Variants in PIGK observed in about 807,000 individuals in gnomAD.
The protein encoded by PIGK is GPI-anchor transamidase.
Under a neutral mutation model 50.6 loss-of-function variants are expected in PIGK, and 42 were observed. The observed-to-expected ratio is 0.83, with a 90% CI of 0.65 to 1.07. The LOEUF (loss-of-function observed/expected upper bound fraction) is 1.07, where lower values mean the gene tolerates loss of function less well. PIGK is among the 50% of genes least tolerant of loss of function. The pLI, the probability that PIGK is intolerant of heterozygous loss-of-function variation, is 0.00. For synonymous variants in PIGK, 151 were observed against 156.0 expected, an observed-to-expected ratio of 0.97 and a Z score of 0.24; for missense variants, 448 against 488.7, an observed-to-expected ratio of 0.92 and a Z score of 0.78.
At chr1:77,111,407 C>G (rs1357776890) in intron 10 of PIGK, among the ~76,000 whole-genome samples, 2 of 152,086 alleles carry the variant, frequency 1.3e-5, no homozygotes, top group Non-Finnish European at 2.9e-5. Context: ...CACATATACA[C>G]CATGGAATAC....
chr1:77,210,897 G>A (rs1026165784), intron 1 of PIGK, among the ~76,000 whole-genome samples: 2 of 151,892 alleles, frequency 1.3e-5, no homozygotes, highest in Admixed American at 1.3e-4. Flanking sequence ...ATATTATTTA[G>A]CATTACTCAA....
At position 77,215,121 on chromosome 1, in the gene PIGK, T is replaced by C. The variant is rs114104829; in HGVS notation, c.93+4189A>G. 4.0e-3 allele frequency among the ~76,000 whole-genome samples: 607 copies of C among 152,238 alleles called. 3 individuals are homozygous for C. Among genetic ancestry groups the C allele is most frequent in the African/African-American group, 0.014 (584 of 41,576 alleles). The stretch of plus-strand genomic sequence containing the variant: ...GCAATCTCTATCAAAATACCAATGA[T>C]ATTCTTCACAGAAATAGAAAAGCAA... On this transcript the variant is annotated intron_variant, in intron 1 of 10. Transcript: ENST00000370812.
chr1:77,144,155 C>T (rs1390854604), intron 9 of PIGK, among the ~76,000 whole-genome samples: 1 of 151,764 alleles, frequency 6.6e-6, no homozygotes, highest in South Asian at 2.1e-4. Flanking sequence ...TTGTAATATC[C>T]CCTATAATGT....
rs1053934998 is a variant in PIGK at position 77,210,433 on chromosome 1, T to C, written c.147+3A>G. ...GCAAGGTATACTTTTACAGTATACT[T>C]ACCAGAACAGCCCAGTTGTTTGTAT... is the stretch of plus-strand genomic sequence containing the variant. On this transcript the variant is annotated splice_donor_region_variant and intron_variant, in intron 2 of 10. Coordinates refer to ENST00000370812, the MANE Select transcript of PIGK (RefSeq NM_005482.3). 6.3e-7 allele frequency: 1 copy of C among 1,581,766 alleles called. No individual in the cohort carries two copies. The highest frequency in any genetic ancestry group is 1.3e-5 in the African/African-American group (1 of 74,130).
At chr1:77,114,636 T>C (rs1298555945) in intron 10 of PIGK, among the ~76,000 whole-genome samples, 2 of 152,114 alleles carry the variant, frequency 1.3e-5, no homozygotes, top group African/African-American at 4.8e-5. Flanking sequence ...AAAATGTTGA[T>C]TGTCATTCTC....
chr1:77,184,187 C>T (rs1655687003), intron 3 of PIGK, among the ~76,000 whole-genome samples: 1 of 150,334 alleles, frequency 6.7e-6, no homozygotes, highest in Admixed American at 6.6e-5. Context: ...GTGTAGAGCT[C>T]TGGCACTGGC....
At chr1:77,125,797 C>G (rs1002115916) in intron 9 of PIGK, among the ~76,000 whole-genome samples, 1 of 152,052 alleles carries the variant, frequency 6.6e-6, no homozygotes, top group Non-Finnish European at 1.5e-5. Context: ...ACTTTAAATA[C>G]CATATCTGTT....
chr1:77,219,197 G>C, intron 1 of PIGK, 113 bp downstream of exon 1: 2 of 797,432 alleles, frequency 2.5e-6, no homozygotes, highest in Non-Finnish European at 4.2e-6. Context: ...AACCCAGCCT[G>C]GGTCAGGGGC....
intron 9 of PIGK, among the ~76,000 whole-genome samples, chr1:77,146,027 C>G (rs1654759312): frequency 6.6e-6 from 1 of 151,868 alleles, no homozygotes; most frequent in African/African-American, 2.4e-5. Context: ...AATTTAATAC[C>G]ATGATAAACC....
chr1:77,112,604 T>C (rs1188749884), intron 10 of PIGK, among the ~76,000 whole-genome samples: 1 of 152,208 alleles, frequency 6.6e-6, no homozygotes, highest in Non-Finnish European at 1.5e-5. Context: ...TTAACTAAGA[T>C]GTTAACTTAC....
At chr1:77,128,989 C>T in intron 9 of PIGK, 1 of 630,870 alleles carries the variant, frequency 1.6e-6, no homozygotes, top group South Asian at 1.9e-5. Context: ...ATTTGAATTT[C>T]AGTGTTGCAC....
At position 77,161,345 on chromosome 1, in the gene PIGK, C is replaced by A; in HGVS notation, c.763G>T (p.Glu255Ter). The A allele has an allele frequency of 6.2e-7, 1 of 1,607,584 alleles. No individual in the cohort carries two copies. Residue 255 changes from glutamate (E) to a stop codon, truncating the protein, a stop_gained, in exon 8 of 11, where the codon GAA (glutamate) becomes TAA (stop). Coordinates refer to ENST00000370812, the MANE Select transcript of PIGK (RefSeq NM_005482.3). LOFTEE classifies it high-confidence loss of function. The stretch of plus-strand genomic sequence containing the variant: ...GCTGGGTTAATTTCTTCCAAAAATT[C>A]CAAGACATAAAATGTGTATCTATCC... ...LMDRYTFYVLEFLEEINPASQ... is the reference protein window; with the variant it reads ...LMDRYTFYVL
chr1:77,108,616 T>C (rs947942822), intron 10 of PIGK, among the ~76,000 whole-genome samples: 3 of 152,176 alleles, frequency 2.0e-5, no homozygotes, highest in Non-Finnish European at 4.4e-5. Flanking sequence ...TCTCTGTATT[T>C]CCTGAATTTG....
In PIGK at chr1:77,163,949, TAA is replaced by T; in HGVS notation, c.488-9_488-8del. On this transcript the variant is annotated splice_polypyrimidine_tract_variant and splice_region_variant and intron_variant, in intron 5 of 10. Transcript: ENST00000370812. ...AAACCATTTCCACCATGCCCTTGTA[TAA>T]AGAGTAAAAAAGATCAATAGATTTT... 3.3e-6 allele frequency: 5 copies of T among 1,517,530 alleles called. No homozygotes were observed. The highest frequency in any genetic ancestry group is 4.5e-6 in the Non-Finnish European group (5 of 1,099,984). The allele number at this position is 1,517,530 out of a possible 1,614,324, so 94.0% of individuals were successfully genotyped here.
intron 9 of PIGK, among the ~76,000 whole-genome samples, chr1:77,122,777 C>T (rs1654131456): frequency 6.6e-6 from 1 of 152,192 alleles, no homozygotes; most frequent in African/African-American, 2.4e-5. Flanking sequence ...ACTGGCCAAA[C>T]CCCATTGGGA....
intron 10 of PIGK, among the ~76,000 whole-genome samples, chr1:77,110,725 A>G (rs780863678): frequency 6.6e-6 from 1 of 152,230 alleles, no homozygotes; most frequent in Non-Finnish European, 1.5e-5. Context: ...CTAAAACACC[A>G]AAAGCAATGG....
chr1:77,211,217 T>C (rs994759242), intron 1 of PIGK, among the ~76,000 whole-genome samples: 11 of 151,988 alleles, frequency 7.2e-5, no homozygotes, highest in South Asian at 2.1e-4. Context: ...TATTCAATGA[T>C]GTATTCCAAG....
At chr1:77,172,070 A>ATTTTTTTTTTTTT (rs34115617) in intron 3 of PIGK, among the ~76,000 whole-genome samples, 1 of 130,936 alleles carries the variant, frequency 7.6e-6, no homozygotes. Flanking sequence ...TCTACATTTA[A>ATTTTTTTTTTTTT]TTTTTTTTTT....
chr1:77,140,589 G>A (rs189124230), intron 9 of PIGK, among the ~76,000 whole-genome samples: 3 of 152,122 alleles, frequency 2.0e-5, no homozygotes, highest in African/African-American at 7.2e-5. Flanking sequence ...TTCATATTTA[G>A]TGTTAACTCA....
Sources: gnomAD v4.1 joint callset for allele counts (sites outside exome capture counted in the v4.1 genomes callset) on GRCh38, gnomAD v4.1.1 for gene constraint, MANE v1.5 for transcripts, NCBI Gene and HGNC (gene_info 2026-07-23, HGNC 2026-07-21) for gene names.